The following SEC16B variants were observed in gnomAD, a reference collection of about 807,000 sequenced individuals.
SEC16B encodes the protein protein transport protein Sec16B.
SEC16B carries 115 observed loss-of-function variants against 141.8 expected under a neutral mutation model. The ratio of observed to expected loss-of-function variants is 0.81; its 90% CI spans 0.70 to 0.95. The LOEUF is 0.95. Ranked by LOEUF, SEC16B falls within the 40% of genes least tolerant of loss-of-function variation. The pLI, the probability that SEC16B is intolerant of heterozygous loss-of-function variation, is 0.00. For missense variants in SEC16B, 1,291 were observed against 1,312.3 expected, an observed-to-expected ratio of 0.98 and a Z score of 0.25; for synonymous variants, 493 against 492.5, an observed-to-expected ratio of 1.00 and a Z score of -0.01.
intron 1 of SEC16B, among the ~76,000 whole-genome samples, chr1:177,969,387 C>T (rs1324730490): frequency 1.3e-5 from 2 of 152,132 alleles, no homozygotes; most frequent in East Asian, 3.9e-4. Flanking sequence ...TGGCTTCCTT[C>T]CCATATCATC....
At chr1:177,967,145 G>A (rs540596511) in intron 2 of SEC16B, among the ~76,000 whole-genome samples, 2 of 152,210 alleles carry the variant, frequency 1.3e-5, no homozygotes, top group East Asian at 3.9e-4. Flanking sequence ...TGCTTTCCCT[G>A]AGGTCAATTT....
chr1:177,982,275 G>C (rs2102034368), intron 1 of SEC16B, among the ~76,000 whole-genome samples: 1 of 152,276 alleles, frequency 6.6e-6, no homozygotes, highest in East Asian at 1.9e-4. Flanking sequence ...AAATGGGAGA[G>C]ACTTAAAGAT....
intron 5 of SEC16B, 82 bp from the exon 6 acceptor site, chr1:177,961,816 C>A (rs1256675389): frequency 3.1e-6 from 4 of 1,282,794 alleles, no homozygotes; most frequent in Non-Finnish European, 4.4e-6. Context: ...AAACAAAATA[C>A]ATACGGTGAA....
chr1:177,967,426 C>T (rs971280938), intron 2 of SEC16B, among the ~76,000 whole-genome samples: 4 of 152,182 alleles, frequency 2.6e-5, no homozygotes, highest in African/African-American at 9.7e-5. Flanking sequence ...ACTGCCTCCC[C>T]AAGCCCCCAT....
chr1:177,968,517 G>A (rs1197167520), intron 1 of SEC16B, among the ~76,000 whole-genome samples: 1 of 152,140 alleles, frequency 6.6e-6, no homozygotes, highest in Non-Finnish European at 1.5e-5. Context: ...CCTTACCCAT[G>A]AAATGGAGAC....
At chr1:177,933,440 G>A in intron 21 of SEC16B, 44 bp downstream of exon 21, 1 of 1,598,210 alleles carries the variant, frequency 6.3e-7, no homozygotes, top group Non-Finnish European at 8.5e-7. Context: ...GGAAGGGAAT[G>A]GCAGGGGAAG....
chr1:177,961,476 C>G, intron 6 of SEC16B, 114 bp downstream of exon 6: 3 of 1,179,812 alleles, frequency 2.5e-6, no homozygotes, highest in Non-Finnish European at 3.5e-6. Flanking sequence ...AGGTGACCTA[C>G]ATAAGCAAAT....
intron 1 of SEC16B, among the ~76,000 whole-genome samples, chr1:177,983,988 C>T (rs1377121832): frequency 6.6e-6 from 1 of 152,134 alleles, no homozygotes; most frequent in Non-Finnish European, 1.5e-5. Context: ...TGGCATTAGC[C>T]ACAGCTGAAG....
intron 5 of SEC16B, among the ~76,000 whole-genome samples, chr1:177,961,944 ATC>A (rs1051063365): frequency 5.3e-5 from 8 of 152,116 alleles, no homozygotes; most frequent in African/African-American, 1.9e-4. Flanking sequence ...TTGAATTGAA[ATC>A]TCAGCTTTGC....
chr1:177,930,581 C>G lies in SEC16B; in HGVS notation c.3075G>C (p.Gly1025=). Residue 1025 remains glycine (G), a synonymous_variant, in exon 25 of 26, where the codon GGG becomes GGC. Coordinates refer to ENST00000308284, the MANE Select transcript of SEC16B (RefSeq NM_033127.4). ...GAGATGGGTTGTAAAGAGGAACAGC[C>G]CCTTTTAAGGCAGGTGGAGGAAGAA... is the stretch of plus-strand genomic sequence containing the variant. ...GVLLPPPALK[G]AVPLYNPSQV... 1 of 1,613,748 alleles carries G rather than the reference C, an allele frequency of 6.2e-7. No individual in the cohort carries two copies.
At chr1:177,957,652 T>G (rs1009113650) in intron 10 of SEC16B, among the ~76,000 whole-genome samples, 2 of 152,198 alleles carry the variant, frequency 1.3e-5, no homozygotes, top group African/African-American at 2.4e-5. Flanking sequence ...TTATCCTTTG[T>G]GTTACAAACA....
intron 1 of SEC16B, among the ~76,000 whole-genome samples, chr1:177,980,370 T>C (rs1478863134): frequency 6.6e-6 from 1 of 152,164 alleles, no homozygotes; most frequent in Non-Finnish European, 1.5e-5. Context: ...AAACGAAGAC[T>C]TTCATTTATT....
intron 4 of SEC16B, among the ~76,000 whole-genome samples, chr1:177,964,603 G>C (rs1237861219): frequency 6.6e-6 from 1 of 152,196 alleles, no homozygotes; most frequent in Non-Finnish European, 1.5e-5. Flanking sequence ...CACCAGGACA[G>C]ATGCTTGAGC....
chr1:177,944,894 C>T (rs1432640823), intron 14 of SEC16B, among the ~76,000 whole-genome samples: 1 of 152,178 alleles, frequency 6.6e-6, no homozygotes, highest in Non-Finnish European at 1.5e-5. Flanking sequence ...AAACAGAACT[C>T]TGCACCAGAG....
Position 177,940,679 on chromosome 1 carries a change from A to G in SEC16B, c.2058T>C (p.Val686=). 1 of 1,613,840 alleles carries G rather than the reference A, an allele frequency of 6.2e-7. No homozygotes were observed. The highest frequency in any genetic ancestry group is 1.1e-5 in the South Asian group (1 of 91,056). Residue 686 remains valine (V), a synonymous_variant, in exon 17 of 26, where the codon GTT becomes GTC. Coordinates refer to ENST00000308284, the MANE Select transcript of SEC16B (RefSeq NM_033127.4). ...CCCTGTCTCCACTGCGTCTTTCTAAAACCAGAGGATCTGACAGCTTCAGTT... is the reference window on the plus strand; with the variant it reads ...CCCTGTCTCCACTGCGTCTTTCTAAGACCAGAGGATCTGACAGCTTCAGTT... ...AEKLKLSDPL[V]LERRSGDRDL...
chr1:177,960,672 G>A (rs189950491), intron 7 of SEC16B, 119 bp downstream of exon 7: 53 of 1,165,362 alleles, frequency 4.5e-5, no homozygotes, highest in Admixed American at 1.8e-4. Flanking sequence ...CCAGTTTCCC[G>A]CAAGAGCATC....
Position 177,958,851 on chromosome 1 carries a change from G to A in SEC16B, c.1123C>T (p.Arg375Cys), listed in dbSNP as rs776041925. 1.7e-5 allele frequency: 27 copies of A among 1,613,282 alleles called. No individual in the cohort carries two copies. The highest frequency in any genetic ancestry group is 1.3e-4 in the Admixed American group (8 of 59,958). Residue 375 changes from arginine to cysteine, a missense_variant, in exon 9 of 26, where the codon CGC becomes TGC. Around this residue, in one of 3 missense-constraint regions of SEC16B, gnomAD observed 681 missense variants for 675.5 expected, o/e 1.01. Transcript: ENST00000308284. ...AGAACAGAACTTACCCCATTCTGGC[G>A]ACAAAGGAGAACCAAGAGCTGCCAC... is the stretch of plus-strand genomic sequence containing the variant. ...LLWQLLVLLCRQNGSMVGSDI... is the reference protein window; with the variant it reads ...LLWQLLVLLCCQNGSMVGSDI...
In SEC16B at chr1:177,960,806, T is replaced by A. The variant is rs1223068244; in HGVS notation, c.921A>T (p.Glu307Asp). Residue 307 changes from glutamate to aspartate, a missense_variant, in exon 7 of 26, where the codon GAA becomes GAT. Physicochemically the swap from Glu to Asp is conservative, Grantham distance 45. Around this residue, in one of 3 missense-constraint regions of SEC16B, gnomAD observed 681 missense variants for 675.5 expected, o/e 1.01. Coordinates refer to ENST00000308284, the MANE Select transcript of SEC16B (RefSeq NM_033127.4). ...SPTDGQAALVELHSMEVILND... is the reference protein window; with the variant it reads ...SPTDGQAALVDLHSMEVILND... ...TCTTCTTTACCTCCATGCTGTGCAG[T>A]TCAACAAGGGCTGCTTGCCCGTCAG... 1.9e-6 allele frequency: 3 copies of A among 1,607,622 alleles called. No homozygotes were observed. Among genetic ancestry groups the A allele is most frequent in the Non-Finnish European group, 1.7e-6 (2 of 1,176,218 alleles).
intron 12 of SEC16B, among the ~76,000 whole-genome samples, chr1:177,949,227 T>A (rs923028296): frequency 1.3e-5 from 2 of 152,162 alleles, no homozygotes; most frequent in Non-Finnish European, 2.9e-5. Context: ...TTCTCATGTG[T>A]CACATCGAAC....
Sources: gnomAD v4.1 joint callset for allele counts (sites outside exome capture counted in the v4.1 genomes callset) on GRCh38, gnomAD v4.1.1 for gene constraint, gnomAD v4.1.1 regional missense constraint, MANE v1.5 for transcripts, NCBI Gene and HGNC (gene_info 2026-07-23, HGNC 2026-07-21) for gene names.